Variants in CLTCL1 observed in about 807,000 individuals in gnomAD.
CLTCL1 encodes clathrin heavy chain like 1, also known as clathrin heavy chain 2.
In CLTCL1, 159 loss-of-function variants were observed where a neutral mutation model predicts 190.0. The ratio of observed to expected loss-of-function variants is 0.84; its 90% CI spans 0.74 to 0.95. The LOEUF is 0.95. CLTCL1 is among the 40% of genes least tolerant of loss of function. The pLI, the probability that CLTCL1 is intolerant of heterozygous loss-of-function variation, is 0.00. For missense variants in CLTCL1, 1,878 were observed against 2,033.4 expected, an observed-to-expected ratio of 0.92 and a Z score of 1.47; for synonymous variants, 752 against 769.6, an observed-to-expected ratio of 0.98 and a Z score of 0.38.
intron 1 of CLTCL1, among the ~76,000 whole-genome samples, chr22:19,281,373 T>G (rs1410235722): frequency 1.3e-5 from 2 of 151,944 alleles, no homozygotes; most frequent in Admixed American, 6.6e-5. Context: ...GTACTTAATA[T>G]CGCTAAAATA....
intron 19 of CLTCL1, among the ~76,000 whole-genome samples, chr22:19,213,525 C>T (rs782588378): frequency 1.3e-5 from 2 of 152,156 alleles, no homozygotes; most frequent in African/African-American, 2.4e-5. Flanking sequence ...CTGAAAACCA[C>T]CCAAACGTAC....
At position 19,237,799 on chromosome 22, in the gene CLTCL1, AT is replaced by A. The variant is rs1441991513; in HGVS notation, c.795+1475del. 3.9e-5 allele frequency among the ~76,000 whole-genome samples: 6 copies of A among 152,248 alleles called. No individual in the cohort carries two copies. In the East Asian group the frequency reaches 9.6e-4, roughly 24 times the overall value. ...TGCAGAGCCATTTTCATAAGAGTCC[AT>A]CTGTATAAATCTGCACAAATGTATG... On this transcript the variant is annotated intron_variant, in intron 5 of 32. Coordinates refer to ENST00000427926, the MANE Select transcript of CLTCL1 (RefSeq NM_007098.4).
At chr22:19,188,624 T>C (rs545194520) in intron 27 of CLTCL1, among the ~76,000 whole-genome samples, 1 of 151,366 alleles carries the variant, frequency 6.6e-6, no homozygotes, top group Admixed American at 6.6e-5. Flanking sequence ...CTTTTTTTTT[T>C]TTTTTTGAGA....
intron 10 of CLTCL1, among the ~76,000 whole-genome samples, chr22:19,232,219 A>G (rs987087436): frequency 1.3e-5 from 2 of 152,060 alleles, no homozygotes; most frequent in African/African-American, 4.8e-5. Context: ...ACATCCTCAC[A>G]CCCTACACCA....
chr22:19,201,276 G>T, intron 23 of CLTCL1, 53 bp downstream of exon 23: 2 of 1,548,356 alleles, frequency 1.3e-6, no homozygotes, highest in South Asian at 1.2e-5. Flanking sequence ...CAAAGGACAC[G>T]GAGAGCGTGC....
Position 19,256,361 on chromosome 22 carries a change from T to TTA in CLTCL1, c.251-2135_251-2134insTA, listed in dbSNP as rs1455391111. 2.6e-3 allele frequency among the ~76,000 whole-genome samples: 360 copies of TTA among 140,166 alleles called. 4 individuals carry two copies. The highest frequency in any genetic ancestry group is 8.7e-3 in the African/African-American group (328 of 37,738). The allele number at this position is 140,166 out of a possible 152,430, so 92.0% of individuals were successfully genotyped here. ...TTTTTCTTTTTCTTTTATCTTTTTT[T>TTA]TTTTTTTTTTTTTGAGACACAGTCT... On this transcript the variant is annotated intron_variant, in intron 2 of 32. Coordinates refer to ENST00000427926, the MANE Select transcript of CLTCL1 (RefSeq NM_007098.4).
chr22:19,236,511 AAAAAC>A (rs2086086152), intron 5 of CLTCL1, among the ~76,000 whole-genome samples: 1 of 152,244 alleles, frequency 6.6e-6, no homozygotes, highest in African/African-American at 2.4e-5. Flanking sequence ...GCTGGGGAGA[AAAAAC>A]AGATGCATTT....
chr22:19,199,743 G>A lies in CLTCL1; in HGVS notation c.3864C>T (p.Cys1288=). 2 of 1,585,638 alleles carry A rather than the reference G, an allele frequency of 1.3e-6. No homozygotes were observed. The highest frequency in any genetic ancestry group is 1.7e-6 in the Non-Finnish European group (2 of 1,165,818). The part of the protein sequence containing the change: ...IHADELEELM[C]YYQDRGYFEE... Reference sequence around the variant, plus strand: ...GAGATCATCTGGTCACCTGGTAATAGCACATCAGCTCCTCCAGCTCATCTG... The same window carrying A: ...GAGATCATCTGGTCACCTGGTAATAACACATCAGCTCCTCCAGCTCATCTG... The change falls in exon 24 of 33, where the codon TGC becomes TGT. Residue 1288 remains cysteine, a synonymous_variant. Coordinates refer to ENST00000427926, the MANE Select transcript of CLTCL1 (RefSeq NM_007098.4).
chr22:19,276,691 C>A (rs545509420), intron 1 of CLTCL1, among the ~76,000 whole-genome samples: 247 of 152,226 alleles, frequency 1.6e-3, no homozygotes, highest in African/African-American at 5.7e-3. Context: ...ATTTTTTGAG[C>A]CGGAGTCTCG....
At chr22:19,267,771 T>C (rs1447150057) in intron 2 of CLTCL1, among the ~76,000 whole-genome samples, 2 of 152,022 alleles carry the variant, frequency 1.3e-5, no homozygotes, top group African/African-American at 2.4e-5. Flanking sequence ...GGCAGGCACC[T>C]GTAATCCCAG....
chr22:19,197,889 C>T (rs1555936766), intron 24 of CLTCL1, among the ~76,000 whole-genome samples: 1 of 152,176 alleles, frequency 6.6e-6, no homozygotes, highest in Non-Finnish European at 1.5e-5. Flanking sequence ...CACTCATCCC[C>T]AGGGGACTGC....
In CLTCL1 at chr22:19,226,232, A is replaced by T; in HGVS notation, c.1934T>A (p.Leu645His). 6.2e-7 allele frequency: 1 copy of T among 1,613,818 alleles called. No individual in the cohort carries two copies. Among genetic ancestry groups the T allele is most frequent in the Non-Finnish European group, 8.5e-7 (1 of 1,179,836 alleles). ...GGTACACAGTACCTCGGGATTGAGG[A>T]GGTGAGTGTGGACCACAGCCCTCTT... ...DIKRAVVHTH[L>H]LNPEWLVNFF... Residue 645 changes from leucine to histidine, a missense_variant, in exon 12 of 33, where the codon CTC becomes CAC. By Grantham distance (99) the Leu-to-His change is moderately conservative (BLOSUM62 -3). Transcript: ENST00000427926.
intron 9 of CLTCL1, chr22:19,232,923 G>A: frequency 1.8e-6 from 1 of 565,718 alleles, no homozygotes; most frequent in Non-Finnish European, 3.0e-6. Flanking sequence ...AAGGAAGAGA[G>A]GGAGAGAAAA....
At chr22:19,273,191 A>C (rs1555981555) in intron 2 of CLTCL1, among the ~76,000 whole-genome samples, 1 of 152,204 alleles carries the variant, frequency 6.6e-6, no homozygotes, top group African/African-American at 2.4e-5. Context: ...CTTCAAAGAC[A>C]GTTTGCTCAT....
intron 3 of CLTCL1, 117 bp from the exon 4 acceptor site, chr22:19,243,053 T>C (rs2086305050): frequency 2.1e-6 from 2 of 973,736 alleles, no homozygotes; most frequent in Non-Finnish European, 2.9e-6. Context: ...CTTCCTCTAG[T>C]AAAAATTAAA....
chr22:19,264,011 T>C (rs1169267981), intron 2 of CLTCL1, among the ~76,000 whole-genome samples: 2 of 152,106 alleles, frequency 1.3e-5, no homozygotes, highest in Non-Finnish European at 2.9e-5. Flanking sequence ...AGTTAAAAAA[T>C]GACCCACGTG....
At chr22:19,207,010 ATTTTTTTTTTT>A (rs781980213) in intron 22 of CLTCL1, among the ~76,000 whole-genome samples, 2 of 92,784 alleles carry the variant, frequency 2.2e-5, no homozygotes, top group African/African-American at 4.4e-5. Flanking sequence ...TAAACTACTA[ATTTTTTTTTTT>A]TTTTTTTTTT....
At position 19,196,156 on chromosome 22, in the gene CLTCL1, A is replaced by G; in HGVS notation, c.4191+110T>C. ...GACTCATACAAGTGAACGCACACAC[A>G]GCATGGGGGCATGCTGGTACTCATT... On this transcript the variant is annotated intron_variant, in intron 26 of 32. Transcript: ENST00000427926. The G allele has an allele frequency of 4.5e-6, 5 of 1,117,492 alleles. No homozygotes were observed. The East Asian group carries it at 1.0e-4, about 23-fold the overall frequency. 69.2% of individuals were successfully genotyped at this position (1,117,492 alleles called of 1,614,324 possible). A position where few individuals can be genotyped will look rare whatever the true frequency, so the allele number is the denominator to read the frequency against.
chr22:19,220,302 A>T (rs1454052310), intron 17 of CLTCL1, among the ~76,000 whole-genome samples: 2 of 152,208 alleles, frequency 1.3e-5, no homozygotes, highest in African/African-American at 4.8e-5. Flanking sequence ...ATTCTGTCTG[A>T]TACAGCCACT....
Sources: gnomAD v4.1 joint callset for allele counts (sites outside exome capture counted in the v4.1 genomes callset) on GRCh38, gnomAD v4.1.1 for gene constraint, MANE v1.5 for transcripts, NCBI Gene and HGNC (gene_info 2026-07-23, HGNC 2026-07-21) for gene names.